The following AHI1 variants were observed in gnomAD, a reference collection of about 807,000 sequenced individuals.
AHI1 encodes Abelson helper integration site 1, also known as jouberin.
AHI1 carries 123 observed loss-of-function variants against 149.3 expected under a neutral mutation model. That is an observed-to-expected ratio of 0.82 (90% confidence interval 0.71 to 0.96). The LOEUF (loss-of-function observed/expected upper bound fraction) is 0.96, where lower values mean the gene tolerates loss of function less well. Among genes scored for constraint, AHI1 ranks in the 40% least tolerant of loss-of-function variants. AHI1 has a pLI of 0.00. For missense variants in AHI1, 1,439 were observed against 1,422.7 expected (o/e 1.01, Z -0.18); for synonymous variants, 475 against 459.8 (o/e 1.03, Z -0.42).
intron 20 of AHI1, among the ~76,000 whole-genome samples, chr6:135,416,613 AAAT>A (rs1243177343): frequency 6.6e-6 from 1 of 152,074 alleles, no homozygotes; most frequent in Admixed American, 6.6e-5. Context: ...TCATTGGAAA[AAAT>A]AATTTATAAA....
chr6:135,435,100 T>G (rs974634569), intron 15 of AHI1: 1 of 152,204 alleles, frequency 6.6e-6, no homozygotes, highest in African/African-American at 2.4e-5. Context: ...TGTGAGCATT[T>G]GCAATTCTAA....
At chr6:135,481,179 G>T (rs1293768144) in intron 5 of AHI1, among the ~76,000 whole-genome samples, 1 of 152,176 alleles carries the variant, frequency 6.6e-6, no homozygotes, top group Non-Finnish European at 1.5e-5. Context: ...CCAGCAAAAA[G>T]GCTCTCATCA....
intron 4 of AHI1, 82 bp from the exon 5 acceptor site, chr6:135,490,829 G>A: frequency 1.3e-6 from 2 of 1,490,372 alleles, no homozygotes; most frequent in East Asian, 4.6e-5. Flanking sequence ...TAAGAAATAA[G>A]TTCTTGTAAA....
intron 20 of AHI1, among the ~76,000 whole-genome samples, chr6:135,421,953 T>C (rs868398157): frequency 6.6e-6 from 1 of 152,128 alleles, no homozygotes; most frequent in African/African-American, 2.4e-5. Flanking sequence ...TAATCTTGTA[T>C]AAGTATGAGA....
intron 27 of AHI1, among the ~76,000 whole-genome samples, chr6:135,291,501 A>G (rs1583523101): frequency 6.6e-6 from 1 of 152,204 alleles, no homozygotes; most frequent in Non-Finnish European, 1.5e-5. Flanking sequence ...GGACACAACA[A>G]GAAGGCAGCC....
At chr6:135,452,243 G>T (rs1452468977) in intron 11 of AHI1, among the ~76,000 whole-genome samples, 4 of 152,128 alleles carry the variant, frequency 2.6e-5, no homozygotes, top group Non-Finnish European at 4.4e-5. Flanking sequence ...TGAATGAATG[G>T]ATTCACAAAT....
At chr6:135,350,534 G>A (rs774392338) in intron 24 of AHI1, among the ~76,000 whole-genome samples, 2 of 152,122 alleles carry the variant, frequency 1.3e-5, no homozygotes, top group Non-Finnish European at 2.9e-5. Flanking sequence ...AGTCCATGCT[G>A]TTATGGAACT....
intron 10 of AHI1, among the ~76,000 whole-genome samples, chr6:135,454,164 TCC>T (rs1471847949): frequency 6.6e-6 from 1 of 152,018 alleles, no homozygotes; most frequent in Non-Finnish European, 1.5e-5. Flanking sequence ...AATATATAGA[TCC>T]AAAGTAAAAA....
chr6:135,329,472 A>G (rs1349703084), intron 24 of AHI1, among the ~76,000 whole-genome samples: 1 of 152,210 alleles, frequency 6.6e-6, no homozygotes, highest in Admixed American at 6.5e-5. Context: ...CCATCCATCT[A>G]CAGCACAGTT....
Position 135,323,030 on chromosome 6 carries a change from AT to A in AHI1, c.3328+131del, listed in dbSNP as rs1787109590. 6.3e-6 allele frequency: 6 copies of A among 952,572 alleles called. No individual in the cohort carries two copies. In the Admixed American group the frequency reaches 2.0e-4, roughly 31 times the overall value. 59.0% of individuals were successfully genotyped at this position (952,572 alleles called of 1,614,324 possible). ...CTTTTTATTTTTTTACATCATGAGAATGAAAAACAATACCCATTGGTAAACA... is the reference window on the plus strand; with the variant it reads ...CTTTTTATTTTTTTACATCATGAGAAGAAAAACAATACCCATTGGTAAACA... On this transcript the variant is annotated intron_variant, in intron 25 of 28. Transcript: ENST00000265602.
intron 20 of AHI1, among the ~76,000 whole-genome samples, chr6:135,418,302 C>T (rs1185488447): frequency 6.6e-6 from 1 of 152,032 alleles, no homozygotes; most frequent in African/African-American, 2.4e-5. Flanking sequence ...ATGATGAGAG[C>T]ACAGAGATGG....
chr6:135,351,020 C>T, intron 24 of AHI1, among the ~76,000 whole-genome samples: 1 of 151,922 alleles, frequency 6.6e-6, no homozygotes, highest in Non-Finnish European at 1.5e-5. Flanking sequence ...TTTAGGGTTG[C>T]CCGAGATAGT....
At chr6:135,326,544 A>G (rs972791333) in intron 24 of AHI1, among the ~76,000 whole-genome samples, 2 of 152,054 alleles carry the variant, frequency 1.3e-5, no homozygotes, top group African/African-American at 2.4e-5. Context: ...TGTAAATAGT[A>G]TACACTGTAC....
chr6:135,394,094 A>G (rs938420227), intron 23 of AHI1, among the ~76,000 whole-genome samples: 2 of 152,106 alleles, frequency 1.3e-5, no homozygotes, highest in Admixed American at 6.6e-5. Context: ...TTTGTAAAAG[A>G]TAATTGTTAT....
chr6:135,341,120 T>C (rs192196867), intron 24 of AHI1, among the ~76,000 whole-genome samples: 1 of 152,174 alleles, frequency 6.6e-6, no homozygotes, highest in Admixed American at 6.5e-5. Context: ...TTATCAGTAA[T>C]TTCACTAAGT....
chr6:135,441,496 C>A (rs1434735725), intron 14 of AHI1, among the ~76,000 whole-genome samples: 1 of 151,802 alleles, frequency 6.6e-6, no homozygotes, highest in African/African-American at 2.4e-5. Context: ...TCCAAGTAGA[C>A]ACATCATAAT....
chr6:135,466,499 C>CATCTAAA, intron 6 of AHI1, 126 bp from the exon 7 acceptor site: 1 of 838,452 alleles, frequency 1.2e-6, no homozygotes, highest in Non-Finnish European at 1.8e-6. Flanking sequence ...TTCATCTGGA[C>CATCTAAA]ATAGTGACAC....
At chr6:135,418,217 C>A (rs11154801) in intron 20 of AHI1, among the ~76,000 whole-genome samples, 42,706 of 151,850 alleles carry the variant, frequency 0.28, 6,867 homozygotes, top group South Asian at 0.42. Context: ...ACACTGGCCC[C>A]ACTTGAGGTT....
chr6:135,428,508 A>G (rs1247396093), intron 19 of AHI1, 121 bp downstream of exon 19: 6 of 1,221,062 alleles, frequency 4.9e-6, no homozygotes, highest in Non-Finnish European at 6.5e-6. Flanking sequence ...CTTAAAAAAC[A>G]TAATTGAAAA....
Sources: allele counts gnomAD v4.1 joint callset (sites outside exome capture counted in the v4.1 genomes callset), GRCh38; gene constraint gnomAD v4.1.1; transcripts MANE v1.5; gene names NCBI Gene and HGNC (gene_info 2026-07-23, HGNC 2026-07-21).